TAFA1: variants seen among roughly 807,000 people sequenced by gnomAD.
The protein encoded by TAFA1 is TAFA chemokine like family member 1, also known as chemokine-like protein TAFA-1.
Under a neutral mutation model 18.5 loss-of-function variants are expected in TAFA1, and 4 were observed. That is an observed-to-expected ratio of 0.22 (90% CI 0.11 to 0.49). The LOEUF is 0.49. TAFA1 is among the 20% of genes least tolerant of loss of function. The pLI is 0.98. For missense variants in TAFA1, 147 were observed against 169.0 expected, an observed-to-expected ratio of 0.87 and a Z score of 0.72; for synonymous variants, 56 against 55.2, an observed-to-expected ratio of 1.01 and a Z score of -0.06.
intron 2 of TAFA1, among the ~76,000 whole-genome samples, chr3:68,351,418 T>C (rs1209958355): frequency 1.3e-5 from 2 of 152,160 alleles, no homozygotes; most frequent in Admixed American, 6.6e-5. Context: ...ATTAAGCAGA[T>C]TCAATGCAGT....
chr3:68,291,536 T>C (rs1355812530), intron 2 of TAFA1, among the ~76,000 whole-genome samples: 1 of 152,102 alleles, frequency 6.6e-6, no homozygotes, highest in Non-Finnish European at 1.5e-5. Context: ...TAAGACTGTC[T>C]ACATCCAGAA....
intron 3 of TAFA1, among the ~76,000 whole-genome samples, chr3:68,438,001 G>A (rs1429231354): frequency 6.6e-6 from 1 of 152,028 alleles, no homozygotes; most frequent in Non-Finnish European, 1.5e-5. Context: ...GGAGAAATAG[G>A]CTAGAAGAAA....
chr3:68,528,543 G>A (rs146834235), intron 3 of TAFA1, among the ~76,000 whole-genome samples: 1 of 152,134 alleles, frequency 6.6e-6, no homozygotes, highest in Admixed American at 6.5e-5. Context: ...AGTCACTACA[G>A]GTCTTTTGAA....
At chr3:68,437,759 T>C (rs902711395) in intron 3 of TAFA1, among the ~76,000 whole-genome samples, 3 of 152,102 alleles carry the variant, frequency 2.0e-5, no homozygotes, top group African/African-American at 4.8e-5. Flanking sequence ...AGTTTTAACA[T>C]AAGTTTTGGA....
At chr3:68,490,488 A>T (rs1450148590) in intron 3 of TAFA1, among the ~76,000 whole-genome samples, 1 of 152,166 alleles carries the variant, frequency 6.6e-6, no homozygotes, top group Non-Finnish European at 1.5e-5. Flanking sequence ...TTCCAGCTGC[A>T]TATCTATGTA....
chr3:68,162,425 C>T (rs1005961556), intron 2 of TAFA1, among the ~76,000 whole-genome samples: 3 of 152,114 alleles, frequency 2.0e-5, no homozygotes, highest in South Asian at 4.1e-4. Flanking sequence ...GAATGTAATG[C>T]GCGGCTGATC....
At chr3:68,277,830 A>G (rs1270286255) in intron 2 of TAFA1, among the ~76,000 whole-genome samples, 2 of 152,164 alleles carry the variant, frequency 1.3e-5, no homozygotes, top group African/African-American at 4.8e-5. Flanking sequence ...GATGATAGAC[A>G]TTTTCCTCTA....
At chr3:68,515,345 T>C (rs1349174037) in intron 3 of TAFA1, among the ~76,000 whole-genome samples, 1 of 152,192 alleles carries the variant, frequency 6.6e-6, no homozygotes, top group Non-Finnish European at 1.5e-5. Flanking sequence ...AGAGGAATCA[T>C]AGTTCTCAAG....
chr3:68,471,741 G>A (rs59001415), intron 3 of TAFA1, among the ~76,000 whole-genome samples: 12,355 of 152,042 alleles, frequency 0.081, 1,345 homozygotes, highest in African/African-American at 0.24. Flanking sequence ...ATCTCCTTTG[G>A]TGACACCCTC....
chr3:68,052,609 C>T (rs1245277826), intron 2 of TAFA1, among the ~76,000 whole-genome samples: 1 of 152,160 alleles, frequency 6.6e-6, no homozygotes, highest in Admixed American at 6.6e-5. Flanking sequence ...TGTCCCCTGG[C>T]TTTACATCCT....
chr3:68,083,605 A>T (rs1434821894), intron 2 of TAFA1, among the ~76,000 whole-genome samples: 1 of 152,192 alleles, frequency 6.6e-6, no homozygotes, highest in East Asian at 1.9e-4. Context: ...ACTTGTGAAC[A>T]GGCATTCTGA....
chr3:68,099,789 A>G (rs1054971507), intron 2 of TAFA1, among the ~76,000 whole-genome samples: 7 of 152,212 alleles, frequency 4.6e-5, no homozygotes, highest in Admixed American at 2.6e-4. Context: ...AATTTGGTAC[A>G]TACACACCAT....
chr3:68,383,369 A>G (rs562221906), intron 2 of TAFA1, among the ~76,000 whole-genome samples: 1 of 152,158 alleles, frequency 6.6e-6, no homozygotes, highest in Non-Finnish European at 1.5e-5. Flanking sequence ...TTCAATACCT[A>G]GTCTATTGAG....
chr3:68,097,587 T>G (rs1028747148), intron 2 of TAFA1, among the ~76,000 whole-genome samples: 2 of 152,178 alleles, frequency 1.3e-5, no homozygotes, highest in Admixed American at 1.3e-4. Context: ...ATTCATTCAA[T>G]AAGATATGAG....
At chr3:68,350,496 G>A (rs1448034537) in intron 2 of TAFA1, among the ~76,000 whole-genome samples, 3 of 152,052 alleles carry the variant, frequency 2.0e-5, no homozygotes, top group Non-Finnish European at 4.4e-5. Flanking sequence ...CAGATACCTA[G>A]GCCTACCACA....
At chr3:68,060,501 T>G (rs192729156) in intron 2 of TAFA1, among the ~76,000 whole-genome samples, 30 of 152,332 alleles carry the variant, frequency 2.0e-4, no homozygotes, top group Admixed American at 1.8e-3. Context: ...ACTAGGCCGG[T>G]AGAATTTCAG....
intron 2 of TAFA1, among the ~76,000 whole-genome samples, chr3:68,302,537 T>C (rs2068322703): frequency 6.6e-6 from 1 of 152,160 alleles, no homozygotes; most frequent in African/African-American, 2.4e-5. Flanking sequence ...CTTTTCTTGT[T>C]AATCTTTCTT....
intron 2 of TAFA1, among the ~76,000 whole-genome samples, chr3:68,189,410 C>G (rs1353039204): frequency 6.6e-6 from 1 of 151,948 alleles, no homozygotes; most frequent in Admixed American, 6.6e-5. Context: ...AAATTTTTGG[C>G]TCTGTACACC....
At chr3:68,028,747 TA>T (rs1384094750) in intron 2 of TAFA1, among the ~76,000 whole-genome samples, 1,239 of 35,544 alleles carry the variant, frequency 0.035, 16 homozygotes, top group African/African-American at 0.059. Context: ...TCTTTTTTTT[TA>T]AAATTTTTTT....
Sources: allele counts gnomAD v4.1 joint callset (sites outside exome capture counted in the v4.1 genomes callset), GRCh38; gene constraint gnomAD v4.1.1; transcripts MANE v1.5; gene names NCBI Gene and HGNC (gene_info 2026-07-23, HGNC 2026-07-21).